FHIT: variants seen among roughly 807,000 people sequenced by gnomAD.
FHIT encodes the protein bis(5'-adenosyl)-triphosphatase.
Under a neutral mutation model 17.9 loss-of-function variants are expected in FHIT, and 19 were observed. The ratio of observed to expected loss-of-function variants is 1.06; its 90% CI spans 0.74 to 1.56. The LOEUF is 1.56. Among genes scored for constraint, FHIT ranks in the 40% most tolerant of loss-of-function variants. The pLI is 0.00. For synonymous variants in FHIT, 81 were observed against 69.7 expected, an observed-to-expected ratio of 1.16 and a Z score of -0.81; for missense variants, 248 against 189.2, an observed-to-expected ratio of 1.31 and a Z score of -1.82.
chr3:60,362,774 A>G lies in FHIT; in HGVS notation c.103+174086T>C, dbSNP rs113601638. Among the ~76,000 whole-genome samples the G allele has an allele frequency of 2.9e-3, 443 of 152,292 alleles. 1 individual carries two copies. Among genetic ancestry groups the G allele is most frequent in the African/African-American group, 0.01 (417 of 41,546 alleles). On this transcript the variant is annotated intron_variant, in intron 5 of 9. Transcript: ENST00000492590. ...AAACGTGGATCAGATTGCCTTCCTTATAGAGTTATAGTGAGGGATAAACAG... is the reference window on the plus strand; with the variant it reads ...AAACGTGGATCAGATTGCCTTCCTTGTAGAGTTATAGTGAGGGATAAACAG...
intron 5 of FHIT, among the ~76,000 whole-genome samples, chr3:60,350,080 A>T (rs1486379570): frequency 6.6e-6 from 1 of 152,222 alleles, no homozygotes; most frequent in Non-Finnish European, 1.5e-5. Context: ...TAGGTTCTGC[A>T]GAAATAAAAT....
At chr3:60,184,080 T>C (rs1274059952) in intron 5 of FHIT, among the ~76,000 whole-genome samples, 2 of 151,752 alleles carry the variant, frequency 1.3e-5, no homozygotes, top group Non-Finnish European at 2.9e-5. Flanking sequence ...CTCAAACTCC[T>C]GGGCTCAAGT....
At chr3:59,777,704 C>G (rs1422013242) in intron 8 of FHIT, among the ~76,000 whole-genome samples, 1 of 152,146 alleles carries the variant, frequency 6.6e-6, no homozygotes, top group African/African-American at 2.4e-5. Context: ...CCTTCTAACT[C>G]TAATGTCATG....
At chr3:60,960,879 G>C (rs1355877760) in intron 3 of FHIT, among the ~76,000 whole-genome samples, 1 of 152,192 alleles carries the variant, frequency 6.6e-6, no homozygotes, top group African/African-American at 2.4e-5. Flanking sequence ...TGTAAATAGT[G>C]CCACAATAAA....
intron 5 of FHIT, among the ~76,000 whole-genome samples, chr3:60,522,106 G>GTTTTTTTTTTTTTTT (rs372184170): frequency 7.5e-6 from 1 of 133,324 alleles, no homozygotes. Context: ...GCAACCAGAA[G>GTTTTTTTTTTTTTTT]TTTTTTTTTT....
intron 3 of FHIT, among the ~76,000 whole-genome samples, chr3:60,932,809 G>A (rs1279575074): frequency 7.2e-5 from 11 of 152,090 alleles, no homozygotes; most frequent in African/African-American, 2.7e-4. Context: ...CTGGAGAAAG[G>A]AGGGTAGCCC....
chr3:60,462,456 C>T (rs1446606665), intron 5 of FHIT, among the ~76,000 whole-genome samples: 3 of 152,128 alleles, frequency 2.0e-5, no homozygotes, highest in African/African-American at 7.2e-5. Flanking sequence ...GCACCTAGGG[C>T]AAGTCCTCGA....
At chr3:60,710,176 T>C (rs966047692) in intron 4 of FHIT, among the ~76,000 whole-genome samples, 1 of 152,236 alleles carries the variant, frequency 6.6e-6, no homozygotes, top group Non-Finnish European at 1.5e-5. Flanking sequence ...CTTTTTATTT[T>C]TTTTAACCAT....
chr3:60,840,241 TAGGG>T (rs1282822280), intron 3 of FHIT, among the ~76,000 whole-genome samples: 99 of 152,294 alleles, frequency 6.5e-4, no homozygotes, highest in African/African-American at 2.3e-3. Flanking sequence ...TATATGCAGA[TAGGG>T]AGGAAATTGG....
intron 5 of FHIT, among the ~76,000 whole-genome samples, chr3:60,467,735 A>C (rs2032876827): frequency 6.6e-6 from 1 of 152,024 alleles, no homozygotes; most frequent in Non-Finnish European, 1.5e-5. Flanking sequence ...TGTGGCCTGA[A>C]ATATGGTCTT....
chr3:59,839,381 G>C (rs890071004), intron 8 of FHIT, among the ~76,000 whole-genome samples: 1 of 151,660 alleles, frequency 6.6e-6, no homozygotes, highest in Non-Finnish European at 1.5e-5. Context: ...GTACCATACA[G>C]GCTTTCCATA....
chr3:60,621,969 TG>T (rs1318241301), intron 4 of FHIT, among the ~76,000 whole-genome samples: 1 of 152,118 alleles, frequency 6.6e-6, no homozygotes, highest in Non-Finnish European at 1.5e-5. Flanking sequence ...AGGTGTCCAC[TG>T]TGTAGGGAGA....
At chr3:60,435,122 T>C (rs1452348669) in intron 5 of FHIT, among the ~76,000 whole-genome samples, 3 of 152,184 alleles carry the variant, frequency 2.0e-5, no homozygotes, top group East Asian at 1.9e-4. Context: ...GCCATTAGCA[T>C]GCACAGCCTT....
intron 4 of FHIT, among the ~76,000 whole-genome samples, chr3:60,613,279 T>C (rs780337309): frequency 3.9e-5 from 6 of 152,128 alleles, no homozygotes; most frequent in African/African-American, 4.8e-5. Flanking sequence ...CTGAGACCTG[T>C]CTGGGAACAT....
chr3:59,822,100 C>T (rs1381094206), intron 8 of FHIT, among the ~76,000 whole-genome samples: 1 of 152,178 alleles, frequency 6.6e-6, no homozygotes, highest in Admixed American at 6.5e-5. Context: ...GTCCCCAGTT[C>T]CATCCAGGTT....
intron 5 of FHIT, among the ~76,000 whole-genome samples, chr3:60,177,939 A>G (rs964704571): frequency 2.6e-5 from 4 of 152,218 alleles, no homozygotes; most frequent in African/African-American, 9.7e-5. Flanking sequence ...CTGGTATGCC[A>G]CATAGGATTA....
At chr3:59,951,646 C>A (rs576564039) in intron 7 of FHIT, among the ~76,000 whole-genome samples, 1 of 152,250 alleles carries the variant, frequency 6.6e-6, no homozygotes, top group Non-Finnish European at 1.5e-5. Flanking sequence ...TGAGCTGACT[C>A]TTTCTTGCTC....
chr3:60,565,293 T>G (rs2037092814), intron 4 of FHIT, among the ~76,000 whole-genome samples: 1 of 152,166 alleles, frequency 6.6e-6, no homozygotes, highest in African/African-American at 2.4e-5. Context: ...CATAATATCT[T>G]TGAGGTATGG....
intron 5 of FHIT, among the ~76,000 whole-genome samples, chr3:60,115,630 A>G (rs915563809): frequency 3.3e-5 from 5 of 152,150 alleles, no homozygotes; most frequent in Non-Finnish European, 7.4e-5. Context: ...ATTAGTTGTA[A>G]AACATTTGTC....
Sources: gnomAD v4.1 joint callset for allele counts (sites outside exome capture counted in the v4.1 genomes callset) on GRCh38, gnomAD v4.1.1 for gene constraint, MANE v1.5 for transcripts, NCBI Gene and HGNC (gene_info 2026-07-23, HGNC 2026-07-21) for gene names.